TFCP2: variants seen among roughly 807,000 people sequenced by gnomAD.
TFCP2 encodes alpha-globin transcription factor CP2.
A neutral mutation model predicts 73.4 loss-of-function variants in TFCP2; 33 were observed. That is an observed-to-expected ratio of 0.45 (90% CI 0.34 to 0.60). TFCP2 has a LOEUF of 0.60. Among genes scored for constraint, TFCP2 ranks in the 20% least tolerant of loss-of-function variants. The pLI, the probability that TFCP2 is intolerant of heterozygous loss-of-function variation, is 0.01. For synonymous variants in TFCP2, 193 were observed against 211.6 expected (o/e 0.91, Z 0.76); for missense variants, 352 against 604.0 (o/e 0.58, Z 4.37).
Position 51,115,167 on chromosome 12 carries a change from T to G in TFCP2, c.457+1148A>C, listed in dbSNP as rs1373166056. ...GAGAGTCTCGCTCTGTCACCCAGGCTGGAGTGCAGTGGCGTGGTCTTGGCT... is the reference window on the plus strand; with the variant it reads ...GAGAGTCTCGCTCTGTCACCCAGGCGGGAGTGCAGTGGCGTGGTCTTGGCT... On this transcript the variant is annotated intron_variant, in intron 4 of 14. Coordinates refer to ENST00000257915, the MANE Select transcript of TFCP2 (RefSeq NM_005653.5). Among the ~76,000 whole-genome samples the G allele has an allele frequency of 8.7e-4, 116 of 132,622 alleles. 1 individual carries two copies. Among genetic ancestry groups the G allele is most frequent in the South Asian group, 1.4e-3 (5 of 3,676 alleles). The allele number at this position is 132,622 out of a possible 152,430, so 87.0% of individuals were successfully genotyped here.
At chr12:51,142,639 A>G (rs182407309) in intron 1 of TFCP2, among the ~76,000 whole-genome samples, 7 of 152,282 alleles carry the variant, frequency 4.6e-5, no homozygotes, top group Non-Finnish European at 7.4e-5. Context: ...TGTACCATCA[A>G]TCTTCCTCCA....
intron 1 of TFCP2, among the ~76,000 whole-genome samples, chr12:51,134,218 A>G (rs1422182801): frequency 1.3e-5 from 2 of 152,174 alleles, no homozygotes; most frequent in Non-Finnish European, 2.9e-5. Flanking sequence ...ACACACATAC[A>G]TATGTTTGTG....
chr12:51,123,165 T>G (rs750361421), intron 1 of TFCP2, among the ~76,000 whole-genome samples: 7 of 152,210 alleles, frequency 4.6e-5, no homozygotes, highest in Non-Finnish European at 7.3e-5. Flanking sequence ...CTAAAACTGA[T>G]TCTCAAAGTT....
chr12:51,108,335 A>C (rs1172341876), intron 6 of TFCP2, among the ~76,000 whole-genome samples: 1 of 152,018 alleles, frequency 6.6e-6, no homozygotes, highest in Non-Finnish European at 1.5e-5. Flanking sequence ...AAATTATGAA[A>C]TTATGACAGT....
At chr12:51,107,922 T>A (rs1220130879) in intron 6 of TFCP2, among the ~76,000 whole-genome samples, 1 of 151,486 alleles carries the variant, frequency 6.6e-6, no homozygotes, top group East Asian at 1.9e-4. Flanking sequence ...TTTCAAATAG[T>A]ATAATCCCAT....
At chr12:51,117,945 T>C (rs11169713) in intron 2 of TFCP2, among the ~76,000 whole-genome samples, 198 bp from the exon 3 acceptor site, 5,330 of 152,268 alleles carry the variant, frequency 0.035, 299 homozygotes, top group African/African-American at 0.12. Context: ...GATATACTTT[T>C]CTAAGGTATT....
chr12:51,139,070 G>A (rs1431816154), intron 1 of TFCP2, among the ~76,000 whole-genome samples: 1 of 152,168 alleles, frequency 6.6e-6, no homozygotes, highest in Non-Finnish European at 1.5e-5. Context: ...TATAGACAGA[G>A]AGTAAATTTG....
rs576694645 is a variant in TFCP2 at position 51,159,111 on chromosome 12, G to A, written c.122+13190C>T. On this transcript the variant is annotated intron_variant, in intron 1 of 14. Transcript: ENST00000257915. Reference sequence around the variant, plus strand: ...GGGGAAACGTTTGAACTCAGGAGGCGGAGGTTGCAGTGAGCCAAGATCATG... The same window carrying A: ...GGGGAAACGTTTGAACTCAGGAGGCAGAGGTTGCAGTGAGCCAAGATCATG... 1.4e-3 allele frequency among the ~76,000 whole-genome samples: 206 copies of A among 149,016 alleles called. 1 individual carries two copies. Among genetic ancestry groups the A allele is most frequent in the Non-Finnish European group, 2.1e-3 (142 of 67,350 alleles).
At chr12:51,125,868 T>C (rs901631447) in intron 1 of TFCP2, among the ~76,000 whole-genome samples, 1 of 150,474 alleles carries the variant, frequency 6.6e-6, no homozygotes, top group Non-Finnish European at 1.5e-5. Context: ...GAGGCTAAGA[T>C]GGGCGGATCA....
At chr12:51,115,641 T>C (rs1413718545) in intron 4 of TFCP2, among the ~76,000 whole-genome samples, 2 of 152,176 alleles carry the variant, frequency 1.3e-5, no homozygotes, top group African/African-American at 4.8e-5. Flanking sequence ...GGAAATGGAA[T>C]CAAATTAAGT....
rs1941651358 is a variant in TFCP2, at chr12:51,161,682, A to AC, written c.122+10618_122+10619insG. On this transcript the variant is annotated intron_variant, in intron 1 of 14. Coordinates refer to ENST00000257915, the MANE Select transcript of TFCP2 (RefSeq NM_005653.5). ...GCAACAGAGTGAGACTCTGTCTCAA[A>AC]AAAAATAATAATAATAATAATAATT... Among the ~76,000 whole-genome samples, 5 of 149,344 alleles carry AC rather than the reference A, an allele frequency of 3.3e-5. No individual in the cohort carries two copies. The South Asian group carries it at 1.1e-3, about 32-fold the overall frequency.
chr12:51,113,807 AC>A lies in TFCP2; in HGVS notation c.457+2507del, dbSNP rs376535305. Among the ~76,000 whole-genome samples, 65 of 152,334 alleles carry A rather than the reference AC, an allele frequency of 4.3e-4. 1 individual carries two copies. In the East Asian group the frequency reaches 0.013, roughly 29 times the overall value. ...GCAAGACCATTCAGTGGGGGAAAGA[AC>A]AGTCTTTTCAACAAACGGTGTGGAG... On this transcript the variant is annotated intron_variant, in intron 4 of 14. Coordinates refer to ENST00000257915, the MANE Select transcript of TFCP2 (RefSeq NM_005653.5).
At chr12:51,095,874 T>G (rs1939954066) in intron 14 of TFCP2, 115 bp downstream of exon 14, 1 of 678,118 alleles carries the variant, frequency 1.5e-6, no homozygotes, top group African/African-American at 1.8e-5. Flanking sequence ...ATATTGTCAC[T>G]TTCTTTACCC....
chr12:51,135,393 C>T (rs1279273841), intron 1 of TFCP2, among the ~76,000 whole-genome samples: 1 of 151,678 alleles, frequency 6.6e-6, no homozygotes, highest in Admixed American at 6.6e-5. Flanking sequence ...TGCCACTGCA[C>T]TCCAGCCTGG....
chr12:51,114,610 TA>T (rs957595538), intron 4 of TFCP2, among the ~76,000 whole-genome samples: 1 of 149,468 alleles, frequency 6.7e-6, no homozygotes, highest in African/African-American at 2.5e-5. Flanking sequence ...ATCTCAAAAA[TA>T]AATAAATAAA....
At chr12:51,155,582 G>A (rs1386032387) in intron 1 of TFCP2, among the ~76,000 whole-genome samples, 1 of 152,172 alleles carries the variant, frequency 6.6e-6, no homozygotes, top group East Asian at 1.9e-4. Context: ...CCATCCTAAT[G>A]GGTGTGAGGT....
At chr12:51,112,241 T>C (rs1328114755) in intron 4 of TFCP2, among the ~76,000 whole-genome samples, 12 of 152,222 alleles carry the variant, frequency 7.9e-5, no homozygotes, top group Non-Finnish European at 1.8e-4. Context: ...ATACATATAA[T>C]GCATAGTGAT....
rs770159528 is a variant in TFCP2 at position 51,110,997 on chromosome 12, T to C, written c.458-14A>G. The C allele has an allele frequency of 1.3e-6, 2 of 1,573,194 alleles. No individual in the cohort carries two copies. Among genetic ancestry groups the C allele is most frequent in the East Asian group, 2.2e-5 (1 of 44,696 alleles). ...ACATCGGGATATCTGAGAAACAAAATGGTAATCATTGAACAATTTTGAGGG... is the reference window on the plus strand; with the variant it reads ...ACATCGGGATATCTGAGAAACAAAACGGTAATCATTGAACAATTTTGAGGG... On this transcript the variant is annotated splice_polypyrimidine_tract_variant and intron_variant, in intron 4 of 14. Coordinates refer to ENST00000257915, the MANE Select transcript of TFCP2 (RefSeq NM_005653.5).
rs71089747 is a variant in TFCP2 at position 51,115,064 on chromosome 12, G to GAA, written c.457+1249_457+1250dup. ...CAACAAGAGCGAAACTCCATCTCAGGAAAAAAAAAAAAAGGAAAGCAACAA... is the reference window on the plus strand; with the variant it reads ...CAACAAGAGCGAAACTCCATCTCAGGAAAAAAAAAAAAAAAGGAAAGCAACAA... On this transcript the variant is annotated intron_variant, in intron 4 of 14. Transcript: ENST00000257915. Among the ~76,000 whole-genome samples, 4 of 68,056 alleles carry GAA rather than the reference G, an allele frequency of 5.9e-5. 1 individual carries two copies. Among genetic ancestry groups the GAA allele is most frequent in the East Asian group, 5.7e-4 (1 of 1,750 alleles). 44.6% of individuals were successfully genotyped at this position (68,056 alleles called of 152,430 possible).
Sources: gnomAD v4.1 joint callset for allele counts (sites outside exome capture counted in the v4.1 genomes callset) on GRCh38, gnomAD v4.1.1 for gene constraint, MANE v1.5 for transcripts, NCBI Gene and HGNC (gene_info 2026-07-23, HGNC 2026-07-21) for gene names.